Variants in ZNF804B observed in about 807,000 individuals in gnomAD.
The protein encoded by ZNF804B is zinc finger 804B.
A neutral mutation model predicts 101.4 loss-of-function variants in ZNF804B; 80 were observed. The observed-to-expected ratio is 0.79, with a 90% CI of 0.66 to 0.95. The LOEUF (loss-of-function observed/expected upper bound fraction) is 0.95. Among genes scored for constraint, ZNF804B ranks in the 40% least tolerant of loss-of-function variants. ZNF804B has a pLI of 0.00. For synonymous variants in ZNF804B, 622 were observed against 558.8 expected, an observed-to-expected ratio of 1.11 and a Z score of -1.59; for missense variants, 1,673 against 1,561.9, an observed-to-expected ratio of 1.07 and a Z score of -1.20.
In ZNF804B at chr7:88,841,312, G is replaced by A. The variant is rs112169346; in HGVS notation, c.108+81228G>A. On this transcript the variant is annotated intron_variant, in intron 1 of 3. Transcript: ENST00000333190. ...AGAAAGACCAACAATGTGACTTAGG[G>A]TGAGGACTTTTGGTCACATTGTATC... 5.3e-5 allele frequency among the ~76,000 whole-genome samples: 8 copies of A among 152,298 alleles called. 1 individual carries two copies. Among genetic ancestry groups the A allele is most frequent in the African/African-American group, 1.9e-4 (8 of 41,564 alleles).
rs181935556 is a variant in ZNF804B at position 88,837,843 on chromosome 7, A to G, written c.108+77759A>G. Among the ~76,000 whole-genome samples, 403 of 151,982 alleles carry G rather than the reference A, an allele frequency of 2.7e-3. 2 individuals carry two copies. Among genetic ancestry groups the G allele is most frequent in the Non-Finnish European group, 3.6e-3 (245 of 67,866 alleles). On this transcript the variant is annotated intron_variant, in intron 1 of 3. Coordinates refer to ENST00000333190, the MANE Select transcript of ZNF804B (RefSeq NM_181646.5). ...AGCTGACTTTCGATGGCCATCTATT[A>G]AAGAGATGTGCAAAAATGTAAAATA...
Position 89,334,441 on chromosome 7 carries a change from A to T in ZNF804B, c.1459A>T (p.Asn487Tyr). The change falls in exon 4 of 4, where the codon AAC becomes TAC. Residue 487 changes from asparagine (N) to tyrosine (Y), a missense_variant. By Grantham distance (143) the Asn-to-Tyr change is moderately radical. Transcript: ENST00000333190. ...PLYFDFKLSR[N>Y]TKEDHNLEDL... Reference sequence around the variant, plus strand: ...GTATTTTGATTTTAAGCTTTCTCGGAACACAAAGGAAGACCACAATCTAGA... The same window carrying T: ...GTATTTTGATTTTAAGCTTTCTCGGTACACAAAGGAAGACCACAATCTAGA... 1 of 1,613,682 alleles carries T rather than the reference A, an allele frequency of 6.2e-7. No individual in the cohort carries two copies. Among genetic ancestry groups the T allele is most frequent in the Non-Finnish European group, 8.5e-7 (1 of 1,179,796 alleles).
chr7:89,153,446 TA>T (rs1294651131), intron 1 of ZNF804B, among the ~76,000 whole-genome samples: 4 of 149,910 alleles, frequency 2.7e-5, no homozygotes, highest in African/African-American at 9.8e-5. Flanking sequence ...ATAATAATAA[TA>T]ATAATAATAA....
intron 1 of ZNF804B, among the ~76,000 whole-genome samples, chr7:89,189,053 A>T (rs566720154): frequency 3.9e-5 from 6 of 152,224 alleles, no homozygotes; most frequent in Admixed American, 3.9e-4. Context: ...AGCTAAAGAG[A>T]AGAATTCCTA....
chr7:88,816,819 G>T (rs1277032906), intron 1 of ZNF804B, among the ~76,000 whole-genome samples: 4 of 145,944 alleles, frequency 2.7e-5, no homozygotes, highest in Admixed American at 1.4e-4. Flanking sequence ...GTGGAAGTCA[G>T]TGTGGTGATT....
chr7:89,243,159 C>G lies in ZNF804B; in HGVS notation c.249+24864C>G, dbSNP rs964903841. 5.9e-5 allele frequency among the ~76,000 whole-genome samples: 9 copies of G among 151,570 alleles called. 1 individual carries two copies. The highest frequency in any genetic ancestry group is 1.3e-4 in the Non-Finnish European group (9 of 67,686). The stretch of plus-strand genomic sequence containing the variant: ...AAATTATTTGTTAATTAAAAGAAGT[C>G]CTATCATTACTCTTGATACTGCAAA... On this transcript the variant is annotated intron_variant, in intron 2 of 3. Transcript: ENST00000333190.
At chr7:89,258,606 A>G (rs1400671771) in intron 2 of ZNF804B, among the ~76,000 whole-genome samples, 2 of 152,120 alleles carry the variant, frequency 1.3e-5, no homozygotes, top group Non-Finnish European at 2.9e-5. Flanking sequence ...AGGGAAACCA[A>G]CCTCTCTTCC....
chr7:88,888,075 A>T (rs1792159766), intron 1 of ZNF804B, among the ~76,000 whole-genome samples: 1 of 152,166 alleles, frequency 6.6e-6, no homozygotes, highest in Non-Finnish European at 1.5e-5. Flanking sequence ...GGACATCATT[A>T]TGCCCAAATG....
intron 1 of ZNF804B, among the ~76,000 whole-genome samples, chr7:89,100,136 T>G (rs1372640677): frequency 6.6e-6 from 1 of 152,114 alleles, no homozygotes; most frequent in African/African-American, 2.4e-5. Context: ...TGGAACAGAA[T>G]AGAGAACCCA....
chr7:88,875,537 C>G (rs375232464), intron 1 of ZNF804B, among the ~76,000 whole-genome samples: 2 of 151,906 alleles, frequency 1.3e-5, no homozygotes, highest in Admixed American at 6.6e-5. Context: ...AACACCTCTA[C>G]GCAAATAAAC....
intron 1 of ZNF804B, among the ~76,000 whole-genome samples, chr7:88,907,528 T>C (rs1010934224): frequency 6.6e-6 from 1 of 152,028 alleles, no homozygotes; most frequent in East Asian, 1.9e-4. Context: ...AATTTAAATC[T>C]AATTTAAACT....
chr7:88,762,160 A>C (rs1389137535), intron 1 of ZNF804B, among the ~76,000 whole-genome samples: 3 of 152,238 alleles, frequency 2.0e-5, no homozygotes, highest in Non-Finnish European at 4.4e-5. Context: ...ATGTACTTAA[A>C]TTACATATGC....
At chr7:88,881,086 T>C (rs1451483918) in intron 1 of ZNF804B, among the ~76,000 whole-genome samples, 1 of 152,064 alleles carries the variant, frequency 6.6e-6, no homozygotes, top group African/African-American at 2.4e-5. Flanking sequence ...ATGAATAATA[T>C]GTCTTCATCA....
chr7:88,766,429 T>G (rs1025509933), intron 1 of ZNF804B, among the ~76,000 whole-genome samples: 3 of 152,240 alleles, frequency 2.0e-5, no homozygotes, highest in African/African-American at 7.2e-5. Context: ...AATCTCTTAT[T>G]TTGTTCAAAT....
chr7:89,121,056 G>A (rs1790397364), intron 1 of ZNF804B, among the ~76,000 whole-genome samples: 2 of 152,116 alleles, frequency 1.3e-5, no homozygotes, highest in South Asian at 4.1e-4. Context: ...GATGATAAAC[G>A]AAATCCAGAG....
At chr7:89,156,271 A>C (rs1285223869) in intron 1 of ZNF804B, among the ~76,000 whole-genome samples, 1 of 151,584 alleles carries the variant, frequency 6.6e-6, no homozygotes, top group Non-Finnish European at 1.5e-5. Context: ...GAGCCATCAC[A>C]CCTGGCAAAT....
intron 2 of ZNF804B, among the ~76,000 whole-genome samples, chr7:89,290,552 TAACTG>T (rs1369806316): frequency 6.6e-6 from 1 of 152,098 alleles, no homozygotes; most frequent in Non-Finnish European, 1.5e-5. Flanking sequence ...CCTTTGGTCT[TAACTG>T]AACATCATCA....
rs959287226 is a variant in ZNF804B, at chr7:89,099,292, T to G, written c.109-118863T>G. On this transcript the variant is annotated intron_variant, in intron 1 of 3. Transcript: ENST00000333190. ...ATCTAGAGCTCTTTCTTTGAAAGGA[T>G]GATCTAAGGACAGCTATATACAAAT... is the stretch of plus-strand genomic sequence containing the variant. 5.3e-5 allele frequency among the ~76,000 whole-genome samples: 8 copies of G among 152,108 alleles called. 1 individual carries two copies. Among genetic ancestry groups the G allele is most frequent in the South Asian group, 4.1e-4 (2 of 4,824 alleles).
intron 2 of ZNF804B, among the ~76,000 whole-genome samples, chr7:89,260,787 C>A (rs1789701947): frequency 1.3e-5 from 2 of 152,134 alleles, no homozygotes; most frequent in Admixed American, 1.3e-4. Flanking sequence ...ATGTTGGATT[C>A]ATTTATCTTG....
Sources: gnomAD v4.1 joint callset for allele counts (sites outside exome capture counted in the v4.1 genomes callset) on GRCh38, gnomAD v4.1.1 for gene constraint, MANE v1.5 for transcripts, NCBI Gene and HGNC (gene_info 2026-07-23, HGNC 2026-07-21) for gene names.